FAR2: variants seen among roughly 807,000 people sequenced by gnomAD.
The protein encoded by FAR2 is fatty acyl-CoA reductase 2, also known as epididymis secretory protein Li 81.
In FAR2, 19 loss-of-function variants were observed where a neutral mutation model predicts 56.0. The observed-to-expected ratio is 0.34, with a 90% CI of 0.24 to 0.50. The LOEUF is 0.50. FAR2 is among the 20% of genes least tolerant of loss of function. The pLI is 0.98. For synonymous variants in FAR2, 219 were observed against 218.8 expected (o/e 1.00, Z -0.01); for missense variants, 508 against 642.2 (o/e 0.79, Z 2.26).
chr12:29,296,488 A>G (rs1372127001), intron 3 of FAR2, among the ~76,000 whole-genome samples: 2 of 152,236 alleles, frequency 1.3e-5, no homozygotes, highest in Non-Finnish European at 2.9e-5. Context: ...GTATTCCTGG[A>G]ATGAACTATT....
intron 1 of FAR2, among the ~76,000 whole-genome samples, chr12:29,204,574 T>A (rs1947457838): frequency 6.6e-6 from 1 of 152,162 alleles, no homozygotes; most frequent in African/African-American, 2.4e-5. Flanking sequence ...TTGGGCTCCA[T>A]CTTAGTCCAA....
intron 1 of FAR2, among the ~76,000 whole-genome samples, chr12:29,213,121 C>T (rs1480326051): frequency 6.6e-6 from 1 of 152,016 alleles, no homozygotes; most frequent in Non-Finnish European, 1.5e-5. Context: ...TACAGAATAT[C>T]TCTGCCTTGT....
intron 4 of FAR2, 43 bp from the exon 5 acceptor site, chr12:29,307,615 G>T: frequency 6.5e-7 from 1 of 1,537,738 alleles, no homozygotes; most frequent in Non-Finnish European, 8.8e-7. Flanking sequence ...TTGGTTTATT[G>T]TCTAACATAT....
At chr12:29,296,305 C>T (rs960958730) in intron 3 of FAR2, among the ~76,000 whole-genome samples, 4 of 152,158 alleles carry the variant, frequency 2.6e-5, no homozygotes, top group African/African-American at 4.8e-5. Context: ...CTACCACTGA[C>T]GTTACAAGCA....
At chr12:29,319,353 A>G (rs1264551298) in intron 9 of FAR2, among the ~76,000 whole-genome samples, 2 of 152,092 alleles carry the variant, frequency 1.3e-5, no homozygotes. Flanking sequence ...GTAAAAATCA[A>G]CTTCTGAATT....
chr12:29,270,507 G>A lies in FAR2; in HGVS notation c.58G>A (p.Gly20Ser), dbSNP rs1307181759. The change falls in exon 2 of 12, where the codon GGC becomes AGC. Residue 20 changes from glycine to serine, a missense_variant. Physicochemically the swap from Gly to Ser is moderately conservative, Grantham distance 56. Transcript: ENST00000536681. ...GTCCATTCTCATCACGGGGGCCACA[G>A]GCTTTCTGGGCAAAGTGCTGATGGA... The part of the protein sequence containing the change: ...GKSILITGAT[G>S]FLGKVLMEKL... The A allele has an allele frequency of 6.2e-7, 1 of 1,612,686 alleles. No homozygotes were observed. Among genetic ancestry groups the A allele is most frequent in the East Asian group, 2.2e-5 (1 of 44,840 alleles).
At chr12:29,322,875 G>C (rs1037380513) in intron 10 of FAR2, among the ~76,000 whole-genome samples, 2 of 152,150 alleles carry the variant, frequency 1.3e-5, no homozygotes, top group African/African-American at 2.4e-5. Flanking sequence ...CTGACCCCTT[G>C]CACTTCCTGG....
intron 1 of FAR2, among the ~76,000 whole-genome samples, chr12:29,153,811 G>C (rs1949700168): frequency 6.6e-6 from 1 of 152,108 alleles, no homozygotes; most frequent in African/African-American, 2.4e-5. Flanking sequence ...GGAGGTGGGA[G>C]AGGCAGAAAG....
intron 1 of FAR2, among the ~76,000 whole-genome samples, chr12:29,235,157 A>G (rs1288694315): frequency 1.3e-5 from 2 of 152,310 alleles, no homozygotes; most frequent in South Asian, 4.1e-4. Context: ...TGCTGGCTAC[A>G]TAACAGGTAC....
chr12:29,197,284 G>A (rs186361582), intron 1 of FAR2, among the ~76,000 whole-genome samples: 5 of 152,248 alleles, frequency 3.3e-5, no homozygotes, highest in Admixed American at 2.0e-4. Flanking sequence ...AGAATCTGTC[G>A]TTGTATTTTG....
At chr12:29,195,532 A>G (rs896227211) in intron 1 of FAR2, among the ~76,000 whole-genome samples, 2 of 152,210 alleles carry the variant, frequency 1.3e-5, no homozygotes, top group South Asian at 2.1e-4. Flanking sequence ...GATGAGATCA[A>G]TTCTGAAGGA....
At position 29,177,763 on chromosome 12, in the gene FAR2, C is replaced by T. The variant is rs141098336; in HGVS notation, c.-39+28356C>T. 3.9e-5 allele frequency among the ~76,000 whole-genome samples: 6 copies of T among 152,098 alleles called. No individual in the cohort carries two copies. The East Asian group carries it at 5.8e-4, about 15-fold the overall frequency. On this transcript the variant is annotated intron_variant, in intron 1 of 11. Transcript: ENST00000536681. ...TATTTTTATCCCCATTTCACAGATG[C>T]GTTCCAAGATTTTCCTGAGATTACA...
intron 1 of FAR2, among the ~76,000 whole-genome samples, chr12:29,239,103 G>A (rs1947984153): frequency 1.3e-5 from 2 of 152,076 alleles, no homozygotes; most frequent in African/African-American, 4.8e-5. Flanking sequence ...CTTCACTTTT[G>A]ACATAATAAG....
chr12:29,174,412 T>C (rs1263627354), intron 1 of FAR2, among the ~76,000 whole-genome samples: 1 of 139,500 alleles, frequency 7.2e-6, no homozygotes, highest in East Asian at 2.1e-4. Flanking sequence ...AGACAGGGAG[T>C]GGTTTTTATT....
At chr12:29,302,282 G>T (rs376962797) in intron 4 of FAR2, among the ~76,000 whole-genome samples, 1 of 140,846 alleles carries the variant, frequency 7.1e-6, no homozygotes, top group African/African-American at 2.6e-5. Context: ...TTAAGATATA[G>T]ACTATGTTCC....
chr12:29,206,668 G>A (rs1044168880), intron 1 of FAR2, among the ~76,000 whole-genome samples: 11 of 152,122 alleles, frequency 7.2e-5, no homozygotes, highest in African/African-American at 2.4e-4. Flanking sequence ...TTTAAGGAAG[G>A]GAAAGAATAG....
chr12:29,314,486 G>A (rs1949412970), intron 8 of FAR2, among the ~76,000 whole-genome samples: 1 of 150,272 alleles, frequency 6.7e-6, no homozygotes, highest in Non-Finnish European at 1.5e-5. Flanking sequence ...ATTCCAGGGA[G>A]CTCTTGGGAG....
At chr12:29,256,949 C>T (rs1025101031) in intron 1 of FAR2, among the ~76,000 whole-genome samples, 2 of 152,202 alleles carry the variant, frequency 1.3e-5, no homozygotes, top group African/African-American at 4.8e-5. Context: ...TCCTGTGGGG[C>T]CCCAGCCTCC....
chr12:29,255,256 C>T (rs1166625459), intron 1 of FAR2, among the ~76,000 whole-genome samples: 1 of 152,318 alleles, frequency 6.6e-6, no homozygotes, highest in East Asian at 1.9e-4. Context: ...TCCCTGTGTC[C>T]TCACATAGCC....
Sources: allele counts gnomAD v4.1 joint callset (sites outside exome capture counted in the v4.1 genomes callset), GRCh38; gene constraint gnomAD v4.1.1; transcripts MANE v1.5; gene names NCBI Gene and HGNC (gene_info 2026-07-23, HGNC 2026-07-21).